Variants in INKA1 observed in about 807,000 individuals in gnomAD.
The protein encoded by INKA1 is PAK4-inhibitor INKA1.
INKA1 carries 14 observed loss-of-function variants against 21.3 expected under a neutral mutation model. The observed-to-expected ratio is 0.66, with a 90% CI of 0.43 to 1.03. INKA1 has a LOEUF of 1.03. INKA1 is among the 50% of genes least tolerant of loss of function. INKA1 has a pLI of 0.00. For missense variants in INKA1, 353 were observed against 379.0 expected (o/e 0.93, Z 0.57); for synonymous variants, 133 against 143.3 (o/e 0.93, Z 0.51).
rs754633052 is a variant in INKA1, at chr3:49,804,110, G to A, written c.52-71G>A. 5 of 1,382,912 alleles carry A rather than the reference G, an allele frequency of 3.6e-6. No homozygotes were observed. Among genetic ancestry groups the A allele is most frequent in the Non-Finnish European group, 4.0e-6 (4 of 1,010,784 alleles). 85.7% of individuals were successfully genotyped at this position (1,382,912 alleles called of 1,614,324 possible). A position where few individuals can be genotyped will look rare whatever the true frequency, so the allele number is the denominator to read the frequency against. On this transcript the variant is annotated intron_variant, in intron 1 of 1. Coordinates refer to ENST00000333323, the MANE Select transcript of INKA1 (RefSeq NM_203370.2). This position sits in a 1 kb window ranked among gnomAD's most constrained non-coding sequence, Gnocchi z 6.7. ...CCAGCAGGCCTATCTAACCTTCCTGGACCCTCTGTTCTCTGGGCTGGCCTG... is the reference window on the plus strand; with the variant it reads ...CCAGCAGGCCTATCTAACCTTCCTGAACCCTCTGTTCTCTGGGCTGGCCTG...
chr3:49,803,548 C>T lies in INKA1; in HGVS notation c.51+105C>T. On this transcript the variant is annotated intron_variant, in intron 1 of 1. Transcript: ENST00000333323. The surrounding 1 kb of genome is among the most constrained non-coding windows in gnomAD (Gnocchi z 4.8). ...TGCGGGGTGGCTCCAGCGTGCCGGT[C>T]CGAGGCGGGGTGGGGGCGGCGTGGC... 1 of 1,215,918 alleles carries T rather than the reference C, an allele frequency of 8.2e-7. No individual in the cohort carries two copies. The highest frequency in any genetic ancestry group is 2.7e-5 in the Admixed American group (1 of 37,464). 75.3% of individuals were successfully genotyped at this position (1,215,918 alleles called of 1,614,324 possible). A position where few individuals can be genotyped will look rare whatever the true frequency, so the allele number is the denominator to read the frequency against.
Position 49,805,007 on chromosome 3 carries a change from A to C in INKA1, c.*20A>C. The C allele has an allele frequency of 6.3e-7, 1 of 1,594,474 alleles. No homozygotes were observed. Among genetic ancestry groups the C allele is most frequent in the Non-Finnish European group, 8.6e-7 (1 of 1,167,746 alleles). ...CTCTGACCCTGCCCTCCAGCCTGGG[A>C]CAATAAAAGCCTTTTTTCTAGACTG... is the stretch of plus-strand genomic sequence containing the variant. On this transcript the variant is annotated 3_prime_UTR_variant, in exon 2 of 2. Transcript: ENST00000333323.
chr3:49,804,384 C>T lies in INKA1; in HGVS notation c.255C>T (p.Pro85=), dbSNP rs767483740. ...TEDRDAALGG[P]REHALDWDSG... Reference sequence around the variant, plus strand: ...ACAGGGATGCAGCCTTGGGAGGCCCCAGGGAGCATGCCCTGGACTGGGACT... The same window carrying T: ...ACAGGGATGCAGCCTTGGGAGGCCCTAGGGAGCATGCCCTGGACTGGGACT... Residue 85 remains proline (P), a synonymous_variant, in exon 2 of 2, where the codon CCC becomes CCT. Transcript: ENST00000333323. The surrounding 1 kb of genome is among the most constrained non-coding windows in gnomAD (Gnocchi z 6.7). 6.2e-6 allele frequency: 10 copies of T among 1,612,982 alleles called. No homozygotes were observed. In the East Asian group the frequency reaches 2.2e-4, roughly 36 times the overall value.
Position 49,804,689 on chromosome 3 carries a change from G to C in INKA1, c.560G>C (p.Gly187Ala). ...CGCAGTCGCCAGCCCCTGGTACTAG[G>C]GGACAATTGCTTTGCTGACTTGGTG... ...RGRSRQPLVLGDNCFADLVHN... is the reference protein window; with the variant it reads ...RGRSRQPLVLADNCFADLVHN... Residue 187 changes from glycine (G) to alanine (A), a missense_variant, in exon 2 of 2, where the codon GGG becomes GCG. Coordinates refer to ENST00000333323, the MANE Select transcript of INKA1 (RefSeq NM_203370.2). The surrounding 1 kb of genome is among the most constrained non-coding windows in gnomAD (Gnocchi z 6.7). 1.2e-6 allele frequency: 2 copies of C among 1,613,232 alleles called. No homozygotes were observed. Among genetic ancestry groups the C allele is most frequent in the Non-Finnish European group, 1.7e-6 (2 of 1,180,034 alleles).
In INKA1 at chr3:49,803,750, C is replaced by G. The variant is rs2081401488; in HGVS notation, c.51+307C>G. Among the ~76,000 whole-genome samples, 1 of 152,190 alleles carries G rather than the reference C, an allele frequency of 6.6e-6. No homozygotes were observed. Among genetic ancestry groups the G allele is most frequent in the African/African-American group, 2.4e-5 (1 of 41,458 alleles). On this transcript the variant is annotated intron_variant, in intron 1 of 1. Transcript: ENST00000333323. The surrounding 1 kb of genome is among the most constrained non-coding windows in gnomAD (Gnocchi z 4.8). ...AGGGACTAACGAGGTGCTGGCGCTG[C>G]TGTGAACGCCCCCTACTTCAGGCTG...
rs1397691631 is a variant in INKA1, at chr3:49,803,938, C to T, written c.52-243C>T. Among the ~76,000 whole-genome samples the T allele has an allele frequency of 2.0e-5, 3 of 152,210 alleles. No individual in the cohort carries two copies. Among genetic ancestry groups the T allele is most frequent in the African/African-American group, 7.2e-5 (3 of 41,458 alleles). ...CCCGCAACCCTGCCTGCCTGCCCGC[C>T]CGCCCTGGTGGCGGGTGCCGACTTG... On this transcript the variant is annotated intron_variant, in intron 1 of 1. Transcript: ENST00000333323. This position sits in a 1 kb window ranked among gnomAD's most constrained non-coding sequence, Gnocchi z 4.8.
rs1422419190 is a variant in INKA1 at position 49,804,157 on chromosome 3, A to C, written c.52-24A>C. ...CCTGGTGACAAGTGATACCTCTCCG[A>C]CTTCTGCCCTCTCTTCCCCTCAGTT... On this transcript the variant is annotated intron_variant, in intron 1 of 1. Transcript: ENST00000333323. This position sits in a 1 kb window ranked among gnomAD's most constrained non-coding sequence, Gnocchi z 6.7. The C allele has an allele frequency of 6.5e-6, 10 of 1,544,544 alleles. No individual in the cohort carries two copies. The highest frequency in any genetic ancestry group is 8.7e-6 in the Non-Finnish European group (10 of 1,143,026).
At position 49,804,329 on chromosome 3, in the gene INKA1, A is replaced by T; in HGVS notation, c.200A>T (p.Glu67Val). 6.2e-7 allele frequency: 1 copy of T among 1,611,974 alleles called. No individual in the cohort carries two copies. Among genetic ancestry groups the T allele is most frequent in the Non-Finnish European group, 8.5e-7 (1 of 1,179,216 alleles). ...GTCTGCTGTGTGGAGGAGGAGGAAG[A>T]GGAGGAGGAGGAAGCAGTGGTGACA... The part of the protein sequence containing the change: ...DSVCCVEEEE[E>V]EEEEAVVTED... The change falls in exon 2 of 2, where the codon GAG becomes GTG. Residue 67 changes from glutamate (E) to valine (V), a missense_variant. By Grantham distance (121) the Glu-to-Val change is moderately radical (BLOSUM62 -2). Coordinates refer to ENST00000333323, the MANE Select transcript of INKA1 (RefSeq NM_203370.2). This position sits in a 1 kb window ranked among gnomAD's most constrained non-coding sequence, Gnocchi z 6.7.
In INKA1 at chr3:49,803,904, C is replaced by T. The variant is rs2081403435; in HGVS notation, c.52-277C>T. Among the ~76,000 whole-genome samples, 1 of 152,180 alleles carries T rather than the reference C, an allele frequency of 6.6e-6. No individual in the cohort carries two copies. Among genetic ancestry groups the T allele is most frequent in the Admixed American group, 6.5e-5 (1 of 15,292 alleles). Reference sequence around the variant, plus strand: ...CCAGTCCTGGGCAGGACCTACTTCCCCGTTCAGGCCCGCAACCCTGCCTGC... The same window carrying T: ...CCAGTCCTGGGCAGGACCTACTTCCTCGTTCAGGCCCGCAACCCTGCCTGC... On this transcript the variant is annotated intron_variant, in intron 1 of 1. Transcript: ENST00000333323. This position sits in a 1 kb window ranked among gnomAD's most constrained non-coding sequence, Gnocchi z 4.8.
chr3:49,804,768 G>T lies in INKA1; in HGVS notation c.639G>T (p.Gly213=). The T allele has an allele frequency of 6.2e-7, 1 of 1,613,290 alleles. No individual in the cohort carries two copies. Among genetic ancestry groups the T allele is most frequent in the Non-Finnish European group, 8.5e-7 (1 of 1,180,026 alleles). The change falls in exon 2 of 2, where the codon GGG becomes GGT. Residue 213 remains glycine (G), a synonymous_variant. Transcript: ENST00000333323. The surrounding 1 kb of genome is among the most constrained non-coding windows in gnomAD (Gnocchi z 6.7). ...ETGSEGGDGG[G]HRARARPPQF... Reference sequence around the variant, plus strand: ...GGAGTGAAGGGGGTGACGGAGGTGGGCACCGTGCCCGTGCTCGGCCCCCTC... The same window carrying T: ...GGAGTGAAGGGGGTGACGGAGGTGGTCACCGTGCCCGTGCTCGGCCCCCTC...
Position 49,803,441 on chromosome 3 carries a change from C to A in INKA1, c.49C>A (p.Leu17Met), listed in dbSNP as rs1273674176. 1.3e-6 allele frequency: 2 copies of A among 1,558,466 alleles called. No individual in the cohort carries two copies. The highest frequency in any genetic ancestry group is 3.9e-5 in the Admixed American group (2 of 50,800). Reference sequence around the variant, plus strand: ...CTTCCTTAGCCAGCTCCGCTGGGAACTGGTGAGGCTCGGGAGCGGGTGTGG... The same window carrying A: ...CTTCCTTAGCCAGCTCCGCTGGGAAATGGTGAGGCTCGGGAGCGGGTGTGG... ...DSFLSQLRWE[L>M]LCGRDTGSPS... is the part of the protein sequence containing the mutation. Residue 17 changes from leucine to methionine, a missense_variant and splice_region_variant, in exon 1 of 2, where the codon CTG (leucine) becomes ATG (methionine). By Grantham distance (15) the Leu-to-Met change is conservative (BLOSUM62 2). Coordinates refer to ENST00000333323, the MANE Select transcript of INKA1 (RefSeq NM_203370.2). This position sits in a 1 kb window ranked among gnomAD's most constrained non-coding sequence, Gnocchi z 4.8.
In INKA1 at chr3:49,804,200, G is replaced by T. The variant is rs915049748; in HGVS notation, c.71G>T (p.Gly24Val). ...CCTCAGTTGTGTGGTCGGGACACAG[G>T]CTCACCCTCAATGCCTGGTCCCCTG... Reference protein sequence around the residue: ...RWELLCGRDTGSPSMPGPLQP... With the variant: ...RWELLCGRDTVSPSMPGPLQP... The change falls in exon 2 of 2, where the codon GGC becomes GTC. Residue 24 changes from glycine (G) to valine (V), a missense_variant. By Grantham distance (109) the Gly-to-Val change is moderately radical. Coordinates refer to ENST00000333323, the MANE Select transcript of INKA1 (RefSeq NM_203370.2). The surrounding 1 kb of genome is among the most constrained non-coding windows in gnomAD (Gnocchi z 6.7). The T allele has an allele frequency of 6.3e-7, 1 of 1,591,252 alleles. No homozygotes were observed. The highest frequency in any genetic ancestry group is 1.7e-5 in the Admixed American group (1 of 58,722).
At position 49,804,787 on chromosome 3, in the gene INKA1, C is replaced by T; in HGVS notation, c.658C>T (p.Pro220Ser). 6.2e-7 allele frequency: 1 copy of T among 1,613,294 alleles called. No homozygotes were observed. Among genetic ancestry groups the T allele is most frequent in the Non-Finnish European group, 8.5e-7 (1 of 1,180,010 alleles). Residue 220 changes from proline (P) to serine (S), a missense_variant, in exon 2 of 2, where the codon CCC becomes TCC. By Grantham distance (74) the Pro-to-Ser change is moderately conservative. Transcript: ENST00000333323. The surrounding 1 kb of genome is among the most constrained non-coding windows in gnomAD (Gnocchi z 6.7). ...DGGGHRARAR[P>S]PQFLLGLSEQ... Reference sequence around the variant, plus strand: ...AGGTGGGCACCGTGCCCGTGCTCGGCCCCCTCAGTTCCTGCTTGGCCTCTC... The same window carrying T: ...AGGTGGGCACCGTGCCCGTGCTCGGTCCCCTCAGTTCCTGCTTGGCCTCTC...
At position 49,804,259 on chromosome 3, in the gene INKA1, C is replaced by T; in HGVS notation, c.130C>T (p.Pro44Ser). The T allele has an allele frequency of 6.2e-7, 1 of 1,612,920 alleles. No homozygotes were observed. The highest frequency in any genetic ancestry group is 8.5e-7 in the Non-Finnish European group (1 of 1,179,482). The change falls in exon 2 of 2, where the codon CCC (proline) becomes TCC (serine). Residue 44 changes from proline to serine, a missense_variant. By Grantham distance (74) the Pro-to-Ser change is moderately conservative. Coordinates refer to ENST00000333323, the MANE Select transcript of INKA1 (RefSeq NM_203370.2). The surrounding 1 kb of genome is among the most constrained non-coding windows in gnomAD (Gnocchi z 6.7). ...CTCCCAAACTGGCCCAGATGTGCAG[C>T]CCAGCCACCAGCTTAGGGCCTCGGG... ...PTSQTGPDVQ[P>S]SHQLRASGAL...
rs895878751 is a variant in INKA1 at position 49,803,325 on chromosome 3, C to G, written c.-68C>G. 1 of 1,445,228 alleles carries G rather than the reference C, an allele frequency of 6.9e-7. No homozygotes were observed. Among genetic ancestry groups the G allele is most frequent in the Non-Finnish European group, 9.1e-7 (1 of 1,096,050 alleles). The allele number at this position is 1,445,228 out of a possible 1,614,324, so 89.5% of individuals were successfully genotyped here. A position where few individuals can be genotyped will look rare whatever the true frequency, so the allele number is the denominator to read the frequency against. On this transcript the variant is annotated 5_prime_UTR_variant, in exon 1 of 2. Transcript: ENST00000333323. The surrounding 1 kb of genome is among the most constrained non-coding windows in gnomAD (Gnocchi z 4.8). ...GGCGCCGCTGGCCGGCCCTCCCAGC[C>G]CTCTCCGCGCGGCTCCGCCGGGGTT...
rs756534866 is a variant in INKA1 at position 49,804,993 on chromosome 3, C to T, written c.*6C>T. ...ATGATGTCAGCTACCTCTGACCCTG[C>T]CCTCCAGCCTGGGACAATAAAAGCC... is the stretch of plus-strand genomic sequence containing the variant. On this transcript the variant is annotated 3_prime_UTR_variant, in exon 2 of 2. Transcript: ENST00000333323. The surrounding 1 kb of genome is among the most constrained non-coding windows in gnomAD (Gnocchi z 6.7). The T allele has an allele frequency of 1.2e-6, 2 of 1,602,608 alleles. No individual in the cohort carries two copies. Among genetic ancestry groups the T allele is most frequent in the Non-Finnish European group, 1.7e-6 (2 of 1,172,122 alleles).
Position 49,803,289 on chromosome 3 carries a change from C to A in INKA1, c.-104C>A, listed in dbSNP as rs2081393779. The A allele has an allele frequency of 2.6e-6, 3 of 1,143,954 alleles. No individual in the cohort carries two copies. The highest frequency in any genetic ancestry group is 8.3e-5 in the Admixed American group (2 of 24,204). The allele number at this position is 1,143,954 out of a possible 1,614,324, so 70.9% of individuals were successfully genotyped here. ...GAGAGCGAGGAGTCGCGCAGGCAGG[C>A]GGAGGCTGAGGGCGCCGCTGGCCGG... is the stretch of plus-strand genomic sequence containing the variant. On this transcript the variant is annotated 5_prime_UTR_variant, in exon 1 of 2. Transcript: ENST00000333323. This position sits in a 1 kb window ranked among gnomAD's most constrained non-coding sequence, Gnocchi z 4.8.
In INKA1 at chr3:49,804,065, C is replaced by CT. The variant is rs1399487740; in HGVS notation, c.52-115dup. On this transcript the variant is annotated intron_variant, in intron 1 of 1. Transcript: ENST00000333323. The surrounding 1 kb of genome is among the most constrained non-coding windows in gnomAD (Gnocchi z 6.7). ...CACCCCTATGCCTGCCCTGTGCTCA[C>CT]TAACACCCTGCTGCCCAGGCCAGCA... The CT allele has an allele frequency of 3.5e-6, 3 of 869,180 alleles. No homozygotes were observed. Among genetic ancestry groups the CT allele is most frequent in the Non-Finnish European group, 5.4e-6 (3 of 555,868 alleles). 53.8% of individuals were successfully genotyped at this position (869,180 alleles called of 1,614,324 possible).
rs967421419 is a variant in INKA1, at chr3:49,804,869, G to A, written c.740G>A (p.Arg247Gln). The A allele has an allele frequency of 1.9e-6, 3 of 1,612,992 alleles. No homozygotes were observed. The highest frequency in any genetic ancestry group is 8.5e-7 in the Non-Finnish European group (1 of 1,180,000). The change falls in exon 2 of 2, where the codon CGG becomes CAG. Residue 247 changes from arginine (R) to glutamine (Q), a missense_variant. Arg to Gln is a conservative substitution (Grantham distance 43). Transcript: ENST00000333323. This position sits in a 1 kb window ranked among gnomAD's most constrained non-coding sequence, Gnocchi z 6.7. The part of the protein sequence containing the change: ...RARRTAMAGK[R>Q]LSCPPRPEPE... ...CGGCGGACAGCTATGGCAGGAAAGCGGCTGTCATGCCCACCTCGCCCAGAA... is the reference window on the plus strand; with the variant it reads ...CGGCGGACAGCTATGGCAGGAAAGCAGCTGTCATGCCCACCTCGCCCAGAA...
Sources: gnomAD v4.1 joint callset for allele counts (sites outside exome capture counted in the v4.1 genomes callset) on GRCh38, gnomAD v4.1.1 for gene constraint, Gnocchi (gnomAD v3.1) non-coding constraint, MANE v1.5 for transcripts, NCBI Gene and HGNC (gene_info 2026-07-23, HGNC 2026-07-21) for gene names.